Variants in NARS2 observed in about 807,000 individuals in gnomAD.
NARS2 encodes the protein asparaginyl-tRNA synthetase.
A neutral mutation model predicts 62.9 loss-of-function variants in NARS2; 60 were observed. The ratio of observed to expected loss-of-function variants is 0.95; its 90% CI spans 0.77 to 1.18. NARS2 has a LOEUF of 1.18. Ranked by LOEUF, NARS2 falls within the 50% of genes most tolerant of loss-of-function variation. The probability of loss-of-function intolerance (pLI) is 0.00; values close to 1 mark genes in which losing one functional copy is unlikely to be tolerated. For synonymous variants in NARS2, 196 were observed against 200.0 expected (o/e 0.98, Z 0.17); for missense variants, 619 against 576.4 (o/e 1.07, Z -0.76).
intron 6 of NARS2, among the ~76,000 whole-genome samples, chr11:78,518,942 G>C (rs938718492): frequency 6.6e-6 from 1 of 152,156 alleles, no homozygotes; most frequent in Non-Finnish European, 1.5e-5. Flanking sequence ...TGAGCCTTTA[G>C]GAATGACCAC....
chr11:78,533,019 A>G (rs1241808677), intron 5 of NARS2, among the ~76,000 whole-genome samples: 1 of 152,170 alleles, frequency 6.6e-6, no homozygotes, highest in African/African-American at 2.4e-5. Flanking sequence ...GCACTTGAAC[A>G]AACTCTTTTA....
intron 9 of NARS2, among the ~76,000 whole-genome samples, chr11:78,471,854 G>C (rs892637785): frequency 6.6e-6 from 1 of 152,018 alleles, no homozygotes; most frequent in African/African-American, 2.4e-5. Flanking sequence ...TCCCTACAAA[G>C]GACATGAACT....
At chr11:78,540,288 C>G (rs1855560730) in intron 5 of NARS2, among the ~76,000 whole-genome samples, 1 of 152,130 alleles carries the variant, frequency 6.6e-6, no homozygotes, top group Admixed American at 6.5e-5. Context: ...AAATATTAAA[C>G]AAGTATTTTG....
At chr11:78,554,960 G>C (rs1215836762) in intron 5 of NARS2, among the ~76,000 whole-genome samples, 1 of 152,148 alleles carries the variant, frequency 6.6e-6, no homozygotes, top group African/African-American at 2.4e-5. Context: ...AGTTTATTGA[G>C]AGTTTTTAAC....
At chr11:78,521,721 C>G (rs1207545752) in intron 6 of NARS2, among the ~76,000 whole-genome samples, 1 of 130,552 alleles carries the variant, frequency 7.7e-6, no homozygotes, top group South Asian at 2.5e-4. Flanking sequence ...ACCCGGGAGG[C>G]GGAGCTTGCA....
intron 2 of NARS2, 26 bp downstream of exon 2, chr11:78,571,309 G>T: frequency 1.3e-6 from 2 of 1,489,326 alleles, no homozygotes; most frequent in South Asian, 1.1e-5. Flanking sequence ...AAAAATCAAA[G>T]AATTCTTTTA....
At position 78,452,314 on chromosome 11, in the gene NARS2, G is replaced by A. The variant is rs149766569; in HGVS notation, c.1165-8556C>T. On this transcript the variant is annotated intron_variant, in intron 11 of 13. Coordinates refer to ENST00000281038, the MANE Select transcript of NARS2 (RefSeq NM_024678.6). Reference sequence around the variant, plus strand: ...AGTAGAGAAGGGATTTCACCATGTTGGCCAGGCTGGTCTCGATCTCTTGAC... The same window carrying A: ...AGTAGAGAAGGGATTTCACCATGTTAGCCAGGCTGGTCTCGATCTCTTGAC... Among the ~76,000 whole-genome samples, 268 of 152,004 alleles carry A rather than the reference G, an allele frequency of 1.8e-3. 3 individuals are homozygous for A. Among genetic ancestry groups the A allele is most frequent in the Middle Eastern group, 6.8e-3 (2 of 294 alleles).
chr11:78,443,326 CAAAA>C (rs11409113), intron 12 of NARS2, among the ~76,000 whole-genome samples: 1 of 82,972 alleles, frequency 1.2e-5, no homozygotes, highest in Admixed American at 1.4e-4. Flanking sequence ...GACTCCGTCT[CAAAA>C]AAAAAAAAAA....
At chr11:78,533,705 TC>T (rs1861563673) in intron 5 of NARS2, among the ~76,000 whole-genome samples, 1 of 152,142 alleles carries the variant, frequency 6.6e-6, no homozygotes, top group Admixed American at 6.5e-5. Context: ...CATGTAACAG[TC>T]CCACAGGATT....
At chr11:78,536,823 T>G (rs931227853) in intron 5 of NARS2, among the ~76,000 whole-genome samples, 2 of 152,204 alleles carry the variant, frequency 1.3e-5, no homozygotes, top group African/African-American at 4.8e-5. Context: ...ATAATTCACT[T>G]ACTGACTCAT....
intron 6 of NARS2, among the ~76,000 whole-genome samples, chr11:78,500,214 T>C (rs1262819418): frequency 1.3e-5 from 2 of 152,206 alleles, no homozygotes; most frequent in Admixed American, 6.5e-5. Flanking sequence ...TAAGAACATG[T>C]AGTCTAAAGA....
intron 5 of NARS2, among the ~76,000 whole-genome samples, chr11:78,537,693 G>A (rs1410467398): frequency 6.6e-6 from 1 of 152,178 alleles, no homozygotes; most frequent in Non-Finnish European, 1.5e-5. Flanking sequence ...TCCAGCTACT[G>A]AGGAGGCTGA....
At chr11:78,491,131 C>A (rs922510339) in intron 7 of NARS2, among the ~76,000 whole-genome samples, 1 of 152,242 alleles carries the variant, frequency 6.6e-6, no homozygotes, top group Non-Finnish European at 1.5e-5. Context: ...TGAATCCCTA[C>A]AGTCCAGAAT....
chr11:78,559,728 TC>T, intron 4 of NARS2, 109 bp from the exon 5 acceptor site: 1 of 710,432 alleles, frequency 1.4e-6, no homozygotes, highest in Non-Finnish European at 2.4e-6. Context: ...CTGTATCAAA[TC>T]CCTCCCTAAT....
intron 9 of NARS2, among the ~76,000 whole-genome samples, chr11:78,476,206 G>T (rs1859088086): frequency 6.6e-6 from 1 of 152,164 alleles, no homozygotes; most frequent in Non-Finnish European, 1.5e-5. Flanking sequence ...CTCTGATCAG[G>T]TGCTACTGCT....
intron 6 of NARS2, among the ~76,000 whole-genome samples, chr11:78,495,230 T>A (rs970461099): frequency 6.6e-6 from 1 of 152,164 alleles, no homozygotes; most frequent in Non-Finnish European, 1.5e-5. Flanking sequence ...CATCCTTTTA[T>A]CCAGCCACTC....
intron 13 of NARS2, among the ~76,000 whole-genome samples, chr11:78,438,361 T>C (rs113734946): frequency 1.3e-5 from 2 of 152,266 alleles, no homozygotes; most frequent in Admixed American, 6.5e-5. Context: ...GTTTAGTTGC[T>C]AAATTAACTT....
At chr11:78,510,853 T>C (rs1860696318) in intron 6 of NARS2, among the ~76,000 whole-genome samples, 1 of 152,190 alleles carries the variant, frequency 6.6e-6, no homozygotes, top group African/African-American at 2.4e-5. Flanking sequence ...AGGAACAAAC[T>C]ACTGGATAAA....
intron 6 of NARS2, among the ~76,000 whole-genome samples, chr11:78,494,768 A>T (rs746570061): frequency 1.3e-5 from 2 of 152,096 alleles, no homozygotes; most frequent in Non-Finnish European, 2.9e-5. Context: ...AAAAGACTAA[A>T]CCTACCTTAT....
Sources: allele counts gnomAD v4.1 joint callset (sites outside exome capture counted in the v4.1 genomes callset), GRCh38; gene constraint gnomAD v4.1.1; transcripts MANE v1.5; gene names NCBI Gene and HGNC (gene_info 2026-07-23, HGNC 2026-07-21).